The following CDC73 variants were observed in gnomAD, a reference collection of about 807,000 sequenced individuals.
CDC73 encodes the protein cell division cycle 73.
CDC73 carries 21 observed loss-of-function variants against 83.7 expected under a neutral mutation model. The observed-to-expected ratio is 0.25, with a 90% confidence interval of 0.18 to 0.36. The LOEUF (loss-of-function observed/expected upper bound fraction) is 0.36, where lower values mean the gene tolerates loss of function less well. Ranked by LOEUF, CDC73 falls within the 10% of genes least tolerant of loss-of-function variation. The pLI, the probability that CDC73 is intolerant of heterozygous loss-of-function variation, is 1.00. For missense variants in CDC73, 342 were observed against 653.3 expected, an observed-to-expected ratio of 0.52 and a Z score of 5.19; for synonymous variants, 224 against 212.9, an observed-to-expected ratio of 1.05 and a Z score of -0.45.
At chr1:193,195,993 A>T (rs2103171731) in intron 10 of CDC73, among the ~76,000 whole-genome samples, 1 of 152,170 alleles carries the variant, frequency 6.6e-6, no homozygotes, top group East Asian at 1.9e-4. Flanking sequence ...AAAAGTTTTA[A>T]ATTTTGATGG....
intron 10 of CDC73, among the ~76,000 whole-genome samples, chr1:193,153,150 A>G (rs1156537863): frequency 6.6e-6 from 1 of 152,212 alleles, no homozygotes; most frequent in African/African-American, 2.4e-5. Flanking sequence ...TGTAATTAAC[A>G]GAACTAAATA....
chr1:193,171,166 G>C (rs1028289783), intron 10 of CDC73, among the ~76,000 whole-genome samples: 23 of 152,216 alleles, frequency 1.5e-4, no homozygotes, highest in African/African-American at 5.5e-4. Context: ...CCAGCTATCA[G>C]GGTATCAATC....
At chr1:193,154,955 C>T (rs1342254167) in intron 10 of CDC73, among the ~76,000 whole-genome samples, 2 of 152,014 alleles carry the variant, frequency 1.3e-5, no homozygotes, top group Non-Finnish European at 2.9e-5. Flanking sequence ...AACTTCCTTC[C>T]TAATTTATGT....
intron 10 of CDC73, among the ~76,000 whole-genome samples, chr1:193,153,787 G>A (rs1186797950): frequency 6.6e-6 from 1 of 152,126 alleles, no homozygotes. Context: ...GTCAGATCCT[G>A]TTCTTGTTGC....
chr1:193,127,235 A>G (rs1188791832), intron 2 of CDC73, among the ~76,000 whole-genome samples: 2 of 151,812 alleles, frequency 1.3e-5, no homozygotes, highest in Non-Finnish European at 2.9e-5. Context: ...GATCACACCA[A>G]TGCATCTATC....
At chr1:193,221,826 A>G (rs910418658) in intron 13 of CDC73, among the ~76,000 whole-genome samples, 1 of 152,212 alleles carries the variant, frequency 6.6e-6, no homozygotes, top group East Asian at 1.9e-4. Flanking sequence ...CCTCATTGCA[A>G]CTGACATCTC....
chr1:193,245,415 G>T (rs905929486), intron 15 of CDC73, among the ~76,000 whole-genome samples: 1 of 152,040 alleles, frequency 6.6e-6, no homozygotes, highest in Non-Finnish European at 1.5e-5. Flanking sequence ...TTAACATAAT[G>T]TCCTCCATTT....
In CDC73 at chr1:193,253,709, GAAGT is replaced by G. The variant is rs1678080400; in HGVS notation, c.*2999_*3002del. On this transcript the variant is annotated 3_prime_UTR_variant, in exon 17 of 17. Transcript: ENST00000367435. ...AATCTCATAATTTTTAAGGCAGAAA[GAAGT>G]ATTAATTTTTGATCTGCCATGTAGA... is the stretch of plus-strand genomic sequence containing the variant. The G allele has an allele frequency of 8.6e-6, 2 of 231,548 alleles. No homozygotes were observed. The highest frequency in any genetic ancestry group is 3.6e-4 in the South Asian group (2 of 5,510). 14.3% of individuals were successfully genotyped at this position (231,548 alleles called of 1,614,324 possible). A position where few individuals can be genotyped will look rare whatever the true frequency, so the allele number is the denominator to read the frequency against.
intron 13 of CDC73, among the ~76,000 whole-genome samples, chr1:193,229,632 T>C (rs1027462402): frequency 1.3e-5 from 2 of 152,214 alleles, no homozygotes; most frequent in Non-Finnish European, 2.9e-5. Flanking sequence ...TCTGTGCTAT[T>C]TCTCTTACTG....
At chr1:193,148,367 T>C (rs569094550) in intron 8 of CDC73, among the ~76,000 whole-genome samples, 2 of 152,318 alleles carry the variant, frequency 1.3e-5, no homozygotes, top group South Asian at 4.1e-4. Flanking sequence ...TGTATTTCTC[T>C]TGATCACCAG....
At position 193,212,494 on chromosome 1, in the gene CDC73, A is replaced by G. The variant is rs1677296857; in HGVS notation, c.1154+17A>G. ...GGACCTGAAGTAAGTAATTTATTAA[A>G]CTATCCTGTACGTAGGATATTGAGA... is the stretch of plus-strand genomic sequence containing the variant. On this transcript the variant is annotated intron_variant, in intron 13 of 16. Transcript: ENST00000367435. The G allele has an allele frequency of 4.5e-6, 6 of 1,343,830 alleles. No individual in the cohort carries two copies. In the Admixed American group the frequency reaches 6.8e-5, roughly 15 times the overall value. The allele number at this position is 1,343,830 out of a possible 1,614,324, so 83.2% of individuals were successfully genotyped here.
intron 10 of CDC73, chr1:193,181,731 T>C (rs1676720710): frequency 1.6e-6 from 1 of 612,878 alleles, no homozygotes; most frequent in Admixed American, 3.5e-5. Flanking sequence ...AAAGGGACTT[T>C]GGGTACTAAT....
chr1:193,211,210 C>T (rs1383133537), intron 11 of CDC73, among the ~76,000 whole-genome samples: 1 of 152,174 alleles, frequency 6.6e-6, no homozygotes, highest in South Asian at 2.1e-4. Flanking sequence ...AAACCAGATT[C>T]GGTCAACCAG....
chr1:193,138,255 A>T, intron 6 of CDC73, 82 bp downstream of exon 6: 2 of 902,644 alleles, frequency 2.2e-6, no homozygotes, highest in Middle Eastern at 2.2e-4. Flanking sequence ...AATGCTCTCC[A>T]CATTTACATT....
chr1:193,233,664 AT>A (rs1677700223), intron 14 of CDC73, among the ~76,000 whole-genome samples: 1 of 152,144 alleles, frequency 6.6e-6, no homozygotes, highest in African/African-American at 2.4e-5. Flanking sequence ...AACCCAGCAA[AT>A]TAGGCTAATG....
intron 2 of CDC73, among the ~76,000 whole-genome samples, chr1:193,128,366 T>C (rs1375599364): frequency 6.6e-6 from 1 of 152,152 alleles, no homozygotes; most frequent in Non-Finnish European, 1.5e-5. Flanking sequence ...GGATCTTGGC[T>C]TGCCACAGCC....
At chr1:193,222,276 G>A (rs778920473) in intron 13 of CDC73, among the ~76,000 whole-genome samples, 21 of 152,086 alleles carry the variant, frequency 1.4e-4, no homozygotes, top group Non-Finnish European at 2.5e-4. Flanking sequence ...GAGCTCAGAC[G>A]CTATGTAGAG....
intron 8 of CDC73, among the ~76,000 whole-genome samples, chr1:193,148,529 A>G (rs907057407): frequency 3.3e-5 from 5 of 152,074 alleles, no homozygotes. Flanking sequence ...TTTGTTGAAA[A>G]TCCTTCCAGC....
intron 10 of CDC73, among the ~76,000 whole-genome samples, chr1:193,184,929 G>A (rs866527651): frequency 2.0e-5 from 3 of 151,912 alleles, no homozygotes; most frequent in Non-Finnish European, 3.0e-5. Flanking sequence ...GTGAAATTGA[G>A]GAAAAATCAG....
Sources: allele counts gnomAD v4.1 joint callset (sites outside exome capture counted in the v4.1 genomes callset), GRCh38; gene constraint gnomAD v4.1.1; transcripts MANE v1.5; gene names NCBI Gene and HGNC (gene_info 2026-07-23, HGNC 2026-07-21).